The following SGCE variants were observed in gnomAD, a reference collection of about 807,000 sequenced individuals.
SGCE encodes epsilon-sarcoglycan.
In SGCE, 26 loss-of-function variants were observed where a neutral mutation model predicts 57.8. That is an observed-to-expected ratio of 0.45 (90% CI 0.33 to 0.62). The LOEUF (loss-of-function observed/expected upper bound fraction) is 0.62, where lower values mean the gene tolerates loss of function less well. SGCE is among the 20% of genes least tolerant of loss of function. The pLI, the probability that SGCE is intolerant of heterozygous loss-of-function variation, is 0.02. For missense variants in SGCE, 468 were observed against 548.6 expected (o/e 0.85, Z 1.47); for synonymous variants, 183 against 189.5 (o/e 0.97, Z 0.28).
At chr7:94,629,584 T>G in intron 2 of SGCE, 135 bp downstream of exon 2, 1 of 820,026 alleles carries the variant, frequency 1.2e-6, no homozygotes, top group Non-Finnish European at 2.0e-6. Flanking sequence ...ATGAGAAATA[T>G]CCTACAACAA....
At chr7:94,616,490 T>C (rs1316423544) in intron 5 of SGCE, among the ~76,000 whole-genome samples, 2 of 152,194 alleles carry the variant, frequency 1.3e-5, no homozygotes, top group Non-Finnish European at 2.9e-5. Context: ...TTGCTAGCTC[T>C]GAACCTATTT....
intron 1 of SGCE, among the ~76,000 whole-genome samples, chr7:94,632,580 T>C (rs1416373684): frequency 1.3e-5 from 2 of 152,142 alleles, no homozygotes; most frequent in Non-Finnish European, 2.9e-5. Context: ...GATACAGATG[T>C]ATGACACATT....
At chr7:94,651,981 T>A (rs2117106562) in intron 1 of SGCE, among the ~76,000 whole-genome samples, 1 of 152,254 alleles carries the variant, frequency 6.6e-6, no homozygotes, top group Middle Eastern at 3.4e-3. Flanking sequence ...GGCTTAATAT[T>A]TCTGGAAATC....
chr7:94,622,241 T>C (rs1329666938), intron 4 of SGCE: 3 of 152,198 alleles, frequency 2.0e-5, no homozygotes, highest in African/African-American at 7.2e-5. Flanking sequence ...ATTGTTTTCT[T>C]GTTTTTAGAG....
At chr7:94,638,047 CAG>C in intron 1 of SGCE, among the ~76,000 whole-genome samples, 1 of 152,148 alleles carries the variant, frequency 6.6e-6, no homozygotes, top group Non-Finnish European at 1.5e-5. Flanking sequence ...AGGGTGTAAT[CAG>C]GGGTGATTCC....
At chr7:94,639,371 T>C (rs1806063543) in intron 1 of SGCE, 2 of 1,535,138 alleles carry the variant, frequency 1.3e-6, no homozygotes, top group East Asian at 4.9e-5. Flanking sequence ...ATTTTTCTGC[T>C]GATAATAAAA....
chr7:94,623,652 C>T, intron 3 of SGCE: 1 of 481,546 alleles, frequency 2.1e-6, no homozygotes, highest in South Asian at 4.4e-5. Context: ...CATAGAAGGC[C>T]ATTAAGCACT....
intron 1 of SGCE, among the ~76,000 whole-genome samples, chr7:94,642,022 T>C (rs554943398): frequency 1.3e-5 from 2 of 152,094 alleles, no homozygotes; most frequent in African/African-American, 2.4e-5. Flanking sequence ...CCTTTATATA[T>C]GTACAACTAT....
intron 1 of SGCE, among the ~76,000 whole-genome samples, chr7:94,631,439 T>C (rs985123659): frequency 5.9e-5 from 9 of 151,912 alleles, no homozygotes; most frequent in African/African-American, 2.2e-4. Flanking sequence ...CCTAACTAGG[T>C]ATTATCCCAG....
chr7:94,610,695 A>G (rs1800882799), intron 5 of SGCE, among the ~76,000 whole-genome samples: 1 of 152,262 alleles, frequency 6.6e-6, no homozygotes, highest in East Asian at 1.9e-4. Context: ...TTCAAAGAAC[A>G]CCATTAAGAA....
At chr7:94,635,103 C>A (rs1805417690) in intron 1 of SGCE, among the ~76,000 whole-genome samples, 1 of 152,052 alleles carries the variant, frequency 6.6e-6, no homozygotes, top group Admixed American at 6.6e-5. Context: ...AAGTCTATTT[C>A]TAAAAGCATT....
chr7:94,601,495 G>C (rs1006896769), intron 6 of SGCE, among the ~76,000 whole-genome samples: 1 of 131,354 alleles, frequency 7.6e-6, no homozygotes, highest in African/African-American at 3.0e-5. Flanking sequence ...GTTGCACTAT[G>C]TTAATTTACC....
chr7:94,617,789 T>C (rs1802151753), intron 5 of SGCE: 1 of 57,144 alleles, frequency 1.7e-5, no homozygotes, highest in South Asian at 3.7e-4. Context: ...CCATCTGCCT[T>C]TTACCTACCC....
At chr7:94,649,649 C>T (rs973545266) in intron 1 of SGCE, among the ~76,000 whole-genome samples, 6 of 152,096 alleles carry the variant, frequency 3.9e-5, no homozygotes, top group Non-Finnish European at 8.8e-5. Context: ...TATTACAATC[C>T]CACAAAAGTG....
intron 1 of SGCE, among the ~76,000 whole-genome samples, chr7:94,653,906 T>C (rs1283469332): frequency 2.0e-5 from 3 of 152,030 alleles, no homozygotes; most frequent in Non-Finnish European, 4.4e-5. Context: ...AAGAAAGCTC[T>C]CCAAACTTAA....
intron 1 of SGCE, among the ~76,000 whole-genome samples, chr7:94,651,058 T>C (rs940767932): frequency 3.3e-5 from 5 of 152,238 alleles, no homozygotes; most frequent in Admixed American, 2.0e-4. Context: ...ATATGGACAC[T>C]ATACTACTAC....
At chr7:94,599,367 G>A (rs976832410) in intron 8 of SGCE, 3 of 312,186 alleles carry the variant, frequency 9.6e-6, no homozygotes, top group Non-Finnish European at 1.7e-5. Context: ...GTAGATTCTG[G>A]AAAACTTGTA....
At chr7:94,588,569 G>T in intron 10 of SGCE, 120 bp downstream of exon 10, 1 of 1,530,584 alleles carries the variant, frequency 6.5e-7, no homozygotes, top group South Asian at 1.2e-5. Flanking sequence ...ATTAAGGAAT[G>T]ACACAAGTGT....
intron 9 of SGCE, among the ~76,000 whole-genome samples, chr7:94,595,739 C>T (rs920679647): frequency 2.0e-5 from 3 of 152,060 alleles, no homozygotes; most frequent in African/African-American, 7.2e-5. Context: ...TAAAGGACAG[C>T]TATGATGAAC....
Sources: gnomAD v4.1 joint callset for allele counts (sites outside exome capture counted in the v4.1 genomes callset) on GRCh38, gnomAD v4.1.1 for gene constraint, MANE v1.5 for transcripts, NCBI Gene and HGNC (gene_info 2026-07-23, HGNC 2026-07-21) for gene names.